TENT4A: variants seen among roughly 807,000 people sequenced by gnomAD.
TENT4A encodes the protein terminal nucleotidyltransferase 4A, also known as DNA polymerase kappa.
TENT4A carries 7 observed loss-of-function variants against 72.8 expected under a neutral mutation model. That is an observed-to-expected ratio of 0.10 (90% CI 0.05 to 0.18). The LOEUF is 0.18. TENT4A is among the 10% of genes least tolerant of loss of function. TENT4A has a pLI of 1.00. For missense variants in TENT4A, 831 were observed against 1,017.7 expected (o/e 0.82, Z 2.50); for synonymous variants, 456 against 434.3 (o/e 1.05, Z -0.62).
Position 6,714,517 on chromosome 5 carries a change from G to A in TENT4A, c.534G>A (p.Pro178=), listed in dbSNP as rs1343610941. ...GCGGCCCCGCGCCCGCCGGCTCCCCGTCGCAGCACCAGTTCCACCCGGGTC... is the reference window on the plus strand; with the variant it reads ...GCGGCCCCGCGCCCGCCGGCTCCCCATCGCAGCACCAGTTCCACCCGGGTC... The part of the protein sequence containing the change: ...GPRGPAPAGS[P]SQHQFHPGRR... The change falls in exon 1 of 13, where the codon CCG becomes CCA. Residue 178 remains proline (P), a synonymous_variant. Transcript: ENST00000230859. The A allele has an allele frequency of 2.5e-6, 3 of 1,189,150 alleles. No individual in the cohort carries two copies. The highest frequency in any genetic ancestry group is 1.0e-6 in the Non-Finnish European group (1 of 960,578). 73.7% of individuals were successfully genotyped at this position (1,189,150 alleles called of 1,614,324 possible). A position where few individuals can be genotyped will look rare whatever the true frequency, so the allele number is the denominator to read the frequency against.
chr5:6,731,547 T>C (rs1741216898), intron 1 of TENT4A, among the ~76,000 whole-genome samples: 1 of 151,840 alleles, frequency 6.6e-6, no homozygotes. Flanking sequence ...TGAAACTTTT[T>C]TTTTTTTTTT....
chr5:6,750,587 C>T (rs1288722175), intron 10 of TENT4A, 84 bp downstream of exon 10: 20 of 1,322,580 alleles, frequency 1.5e-5, no homozygotes, highest in Non-Finnish European at 2.1e-5. Context: ...TAAAATCTCC[C>T]CCTTGGTTTT....
intron 1 of TENT4A, among the ~76,000 whole-genome samples, chr5:6,726,271 G>A (rs1740914688): frequency 6.6e-6 from 1 of 152,170 alleles, no homozygotes; most frequent in South Asian, 2.1e-4. Flanking sequence ...AGGCACTTCA[G>A]GCTCCTGAAG....
At chr5:6,743,651 G>A in intron 5 of TENT4A, 61 bp from the exon 6 acceptor site, 1 of 1,336,028 alleles carries the variant, frequency 7.5e-7, no homozygotes, top group Non-Finnish European at 1.1e-6. Context: ...GATTTGCTAT[G>A]TGAAATCTCT....
chr5:6,728,415 C>G (rs1312644538), intron 1 of TENT4A, among the ~76,000 whole-genome samples: 1 of 152,220 alleles, frequency 6.6e-6, no homozygotes, highest in African/African-American at 2.4e-5. Context: ...CCTGGTTGGC[C>G]TTACTGGTGT....
chr5:6,746,031 C>T (rs563809534), intron 6 of TENT4A, 183 bp from the exon 7 acceptor site: 1 of 1,451,384 alleles, frequency 6.9e-7, no homozygotes, highest in African/African-American at 1.4e-5. Context: ...CCGTTGTGTT[C>T]CTTTTGAACA....
At chr5:6,730,147 G>A (rs147631346) in intron 1 of TENT4A, among the ~76,000 whole-genome samples, 9 of 152,076 alleles carry the variant, frequency 5.9e-5, no homozygotes, top group African/African-American at 2.2e-4. Flanking sequence ...AGCATTTGCA[G>A]CGTGCTTGGG....
intron 4 of TENT4A, among the ~76,000 whole-genome samples, chr5:6,740,386 T>C (rs972630724): frequency 9.2e-5 from 14 of 152,202 alleles, no homozygotes; most frequent in African/African-American, 3.1e-4. Flanking sequence ...TTTATGTCAG[T>C]TCAAGATTAT....
chr5:6,736,072 T>A (rs559265275), intron 1 of TENT4A, among the ~76,000 whole-genome samples: 3 of 152,346 alleles, frequency 2.0e-5, no homozygotes, highest in African/African-American at 7.2e-5. Context: ...CATATTTTTT[T>A]AAATTAAATG....
chr5:6,728,970 T>TA (rs1467584430), intron 1 of TENT4A, among the ~76,000 whole-genome samples: 2 of 152,168 alleles, frequency 1.3e-5, no homozygotes, highest in African/African-American at 4.8e-5. Flanking sequence ...TTTCGTATTT[T>TA]AAAAAAATGC....
chr5:6,751,352 T>C (rs970899457), intron 11 of TENT4A, 155 bp downstream of exon 11: 1 of 758,876 alleles, frequency 1.3e-6, no homozygotes, highest in Admixed American at 2.5e-5. Context: ...ATCCTCTCTT[T>C]TTTGTGGTGT....
At position 6,714,611 on chromosome 5, in the gene TENT4A, G is replaced by T; in HGVS notation, c.628G>T (p.Ala210Ser). 1 of 1,198,226 alleles carries T rather than the reference G, an allele frequency of 8.3e-7. No individual in the cohort carries two copies. The highest frequency in any genetic ancestry group is 1.0e-6 in the Non-Finnish European group (1 of 966,184). The allele number at this position is 1,198,226 out of a possible 1,614,324, so 74.2% of individuals were successfully genotyped here. The change falls in exon 1 of 13, where the codon GCT (alanine) becomes TCT (serine). Residue 210 changes from alanine to serine, a missense_variant. This residue lies in a region of TENT4A where 302 missense variants were observed against 293.8 expected (regional missense o/e 1.03). Coordinates refer to ENST00000230859, the MANE Select transcript of TENT4A (RefSeq NM_006999.6). ...NYLLSGSRAA[A>S]LSGGGGPGAQ... Reference sequence around the variant, plus strand: ...CCTGCTGTCCGGCAGCCGCGCGGCCGCTCTCAGCGGAGGGGGCGGCCCCGG... The same window carrying T: ...CCTGCTGTCCGGCAGCCGCGCGGCCTCTCTCAGCGGAGGGGGCGGCCCCGG...
intron 1 of TENT4A, among the ~76,000 whole-genome samples, chr5:6,727,051 G>T (rs1049733607): frequency 6.6e-6 from 1 of 151,912 alleles, no homozygotes; most frequent in African/African-American, 2.4e-5. Context: ...TTGCTTCTTC[G>T]CTCTTGTTCC....
chr5:6,750,931 C>A, intron 10 of TENT4A, 108 bp from the exon 11 acceptor site: 3 of 1,233,314 alleles, frequency 2.4e-6, no homozygotes, highest in East Asian at 2.4e-5. Context: ...ATTTGAATAA[C>A]CTTTCATAGC....
chr5:6,713,866 G>C lies in TENT4A; in HGVS notation c.-118G>C, dbSNP rs1165382151. The C allele has an allele frequency of 5.1e-6, 1 of 195,784 alleles. No homozygotes were observed. Among genetic ancestry groups the C allele is most frequent in the Non-Finnish European group, 8.9e-6 (1 of 112,792 alleles). The allele number at this position is 195,784 out of a possible 1,614,324, so 12.1% of individuals were successfully genotyped here. On this transcript the variant is annotated 5_prime_UTR_variant, in exon 1 of 13. Transcript: ENST00000230859. The stretch of plus-strand genomic sequence containing the variant: ...GCCCGCCGCCGCCGCCGCCGCCGCC[G>C]CCACCGGCCCAGGCCCGTCCGTCCG...
In TENT4A at chr5:6,714,421, C is replaced by T. The variant is rs1165357547; in HGVS notation, c.438C>T (p.Gly146=). The change falls in exon 1 of 13, where the codon GGC becomes GGT. Residue 146 remains glycine, a synonymous_variant. Transcript: ENST00000230859. ...TGGGCCGGCCGGGCGGCGGCCGCGG[C>T]GGCGCCTTCTTCAACTTCGCCGACG... ...ASLGRPGGGR[G]GAFFNFADGA... The T allele has an allele frequency of 1.7e-6, 2 of 1,156,564 alleles. No homozygotes were observed. Among genetic ancestry groups the T allele is most frequent in the Non-Finnish European group, 2.1e-6 (2 of 940,074 alleles). The allele number at this position is 1,156,564 out of a possible 1,614,324, so 71.6% of individuals were successfully genotyped here.
intron 12 of TENT4A, 102 bp from the exon 13 acceptor site, chr5:6,754,649 T>C (rs274676): frequency 0.64 from 542,185 of 843,690 alleles, 176,675 homozygotes; most frequent in Non-Finnish European, 0.67. Flanking sequence ...ATCCCTGCTC[T>C]CTATGTAACA....
chr5:6,746,914 TTG>T, intron 7 of TENT4A, among the ~76,000 whole-genome samples: 1 of 152,278 alleles, frequency 6.6e-6, no homozygotes, highest in Non-Finnish European at 1.5e-5. Flanking sequence ...TGTGTGTAGG[TTG>T]TGTTTTGTCG....
intron 1 of TENT4A, among the ~76,000 whole-genome samples, chr5:6,716,774 G>A (rs905835831): frequency 2.6e-5 from 4 of 152,240 alleles, no homozygotes. Flanking sequence ...ATGGTGTAGG[G>A]CATGAGAGGG....
Sources: allele counts gnomAD v4.1 joint callset (sites outside exome capture counted in the v4.1 genomes callset), GRCh38; gene constraint gnomAD v4.1.1; regional missense constraint gnomAD v4.1.1; transcripts MANE v1.5; gene names NCBI Gene and HGNC (gene_info 2026-07-23, HGNC 2026-07-21).